The following ADGRL2 variants were observed in gnomAD, a reference collection of about 807,000 sequenced individuals.
ADGRL2 encodes the protein calcium-independent alpha-latrotoxin receptor 2.
Under a neutral mutation model 157.4 loss-of-function variants are expected in ADGRL2, and 44 were observed. The observed-to-expected ratio is 0.28, with a 90% confidence interval of 0.22 to 0.36. The LOEUF (loss-of-function observed/expected upper bound fraction) is 0.36, where lower values mean the gene tolerates loss of function less well. Ranked by LOEUF, ADGRL2 falls within the 10% of genes least tolerant of loss-of-function variation. ADGRL2 has a pLI of 1.00. For missense variants in ADGRL2, 1,510 were observed against 1,768.9 expected, an observed-to-expected ratio of 0.85 and a Z score of 2.63; for synonymous variants, 585 against 624.7, an observed-to-expected ratio of 0.94 and a Z score of 0.95.
intron 2 of ADGRL2, among the ~76,000 whole-genome samples, chr1:81,881,734 A>G (rs897768613): frequency 6.6e-6 from 1 of 152,074 alleles, no homozygotes; most frequent in African/African-American, 2.4e-5. Flanking sequence ...TTGAGTATTT[A>G]CTTATATATC....
intron 2 of ADGRL2, among the ~76,000 whole-genome samples, chr1:81,460,657 C>A (rs1302053121): frequency 6.6e-6 from 1 of 152,160 alleles, no homozygotes; most frequent in Non-Finnish European, 1.5e-5. Flanking sequence ...TCCCCATTGA[C>A]TGGATGTGCT....
chr1:81,325,675 C>T (rs1157993958), intron 1 of ADGRL2, among the ~76,000 whole-genome samples: 2 of 152,194 alleles, frequency 1.3e-5, no homozygotes, highest in African/African-American at 2.4e-5. Flanking sequence ...CTAAACTTGC[C>T]TCATGCAAAC....
In ADGRL2 at chr1:81,750,711, C is replaced by T. The variant is rs1045129030; in HGVS notation, c.-142-11100C>T. On this transcript the variant is annotated intron_variant, in intron 1 of 20. Coordinates refer to the ADGRL2 transcript ENST00000359929. ...TAGCCTGGGCAACAGAGCAAGACTC[C>T]ATTTCAAAAACAAAAAAAACAAAAA... Among the ~76,000 whole-genome samples, 3 of 151,626 alleles carry T rather than the reference C, an allele frequency of 2.0e-5. No homozygotes were observed. The East Asian group carries it at 5.8e-4, about 29-fold the overall frequency.
At chr1:81,522,712 G>A (rs183077435) in intron 2 of ADGRL2, among the ~76,000 whole-genome samples, 28 of 152,206 alleles carry the variant, frequency 1.8e-4, no homozygotes, top group African/African-American at 6.0e-4. Context: ...AACCAGTGAA[G>A]TTAAGTGTAA....
chr1:81,369,602 G>A (rs527939895), intron 1 of ADGRL2, among the ~76,000 whole-genome samples: 1 of 152,220 alleles, frequency 6.6e-6, no homozygotes, highest in South Asian at 2.1e-4. Context: ...CCGAATGGAT[G>A]ACCTTATTCT....
At chr1:81,626,901 G>A (rs2081922386) in intron 3 of ADGRL2, among the ~76,000 whole-genome samples, 1 of 152,126 alleles carries the variant, frequency 6.6e-6, no homozygotes, top group African/African-American at 2.4e-5. Flanking sequence ...ATACATTCGT[G>A]AACACCAGAA....
intron 3 of ADGRL2, among the ~76,000 whole-genome samples, chr1:81,584,853 T>C (rs1234144890): frequency 6.6e-6 from 1 of 152,152 alleles, no homozygotes; most frequent in Non-Finnish European, 1.5e-5. Flanking sequence ...TTATAAACTC[T>C]AGAGTTACCT....
chr1:81,956,732 T>C (rs1450242559), intron 11 of ADGRL2, among the ~76,000 whole-genome samples: 1 of 152,206 alleles, frequency 6.6e-6, no homozygotes, highest in Non-Finnish European at 1.5e-5. Flanking sequence ...TGAGGTTGAA[T>C]TCAGATGAAG....
rs150774885 is a variant in ADGRL2, at chr1:81,538,630, G to A, written c.-247-42246G>A. On this transcript the variant is annotated intron_variant, in intron 2 of 24. Coordinates refer to the ADGRL2 transcript ENST00000370721. ...CACAAATACAGCCTCATACAAGGGT[G>A]TTATGTCGATGACTCATTATAGGCA... 7.2e-4 allele frequency among the ~76,000 whole-genome samples: 110 copies of A among 152,254 alleles called. 2 individuals carry two copies. Among genetic ancestry groups the A allele is most frequent in the East Asian group, 3.9e-4 (2 of 5,184 alleles).
chr1:81,539,230 C>T (rs2079821675), intron 2 of ADGRL2, among the ~76,000 whole-genome samples: 1 of 152,002 alleles, frequency 6.6e-6, no homozygotes, highest in Non-Finnish European at 1.5e-5. Flanking sequence ...AACTTTGTAA[C>T]ACAATTACCA....
At chr1:81,360,268 G>A (rs1267497583) in intron 1 of ADGRL2, among the ~76,000 whole-genome samples, 1 of 151,764 alleles carries the variant, frequency 6.6e-6, no homozygotes, top group African/African-American at 2.4e-5. Flanking sequence ...TTTGTCCCTA[G>A]ATCTTTAATT....
intron 2 of ADGRL2, among the ~76,000 whole-genome samples, chr1:81,531,204 C>G (rs1187013160): frequency 6.6e-6 from 1 of 151,966 alleles, no homozygotes; most frequent in African/African-American, 2.4e-5. Flanking sequence ...TGATAATCCA[C>G]ATTTGAGGAG....
chr1:81,502,699 G>T, intron 2 of ADGRL2: 1 of 1,613,526 alleles, frequency 6.2e-7, no homozygotes, highest in South Asian at 1.1e-5. Context: ...CTATGAGTGT[G>T]AGAAGAAAGC....
At chr1:81,366,845 C>T (rs2076075682) in intron 1 of ADGRL2, among the ~76,000 whole-genome samples, 1 of 152,196 alleles carries the variant, frequency 6.6e-6, no homozygotes, top group Non-Finnish European at 1.5e-5. Flanking sequence ...TTTCCTGCTT[C>T]TTTGATCATT....
At chr1:81,746,995 T>C (rs1001589312) in intron 1 of ADGRL2, among the ~76,000 whole-genome samples, 9 of 146,002 alleles carry the variant, frequency 6.2e-5, no homozygotes, top group African/African-American at 2.0e-4. Flanking sequence ...TATATACGTA[T>C]ATACGTGTAT....
In ADGRL2 at chr1:81,429,553, T is replaced by C. The variant is rs141983886; in HGVS notation, c.-301-15483T>C. Reference sequence around the variant, plus strand: ...AACATGAGTCTCCTGATATTTCAAATTGGTTGCAGTAAAGAATGCTCAAAC... The same window carrying C: ...AACATGAGTCTCCTGATATTTCAAACTGGTTGCAGTAAAGAATGCTCAAAC... On this transcript the variant is annotated intron_variant, in intron 1 of 24. Transcript: ENST00000370721. 3.2e-3 allele frequency among the ~76,000 whole-genome samples: 484 copies of C among 152,352 alleles called. 3 individuals are homozygous for C. Among genetic ancestry groups the C allele is most frequent in the Admixed American group, 0.012 (189 of 15,302 alleles).
chr1:81,543,007 GC>G (rs2079922674), intron 2 of ADGRL2, among the ~76,000 whole-genome samples: 1 of 142,808 alleles, frequency 7.0e-6, no homozygotes, highest in South Asian at 2.2e-4. Context: ...TTTTTATCTT[GC>G]TTTTTTTTTT....
chr1:81,481,226 C>G (rs1243599916), intron 2 of ADGRL2, among the ~76,000 whole-genome samples: 1 of 152,058 alleles, frequency 6.6e-6, no homozygotes, highest in Admixed American at 6.6e-5. Flanking sequence ...CTAAGAAGCC[C>G]CATAAACTAT....
At chr1:81,838,816 A>G (rs2092411881) in intron 2 of ADGRL2, among the ~76,000 whole-genome samples, 1 of 152,072 alleles carries the variant, frequency 6.6e-6, no homozygotes, top group Non-Finnish European at 1.5e-5. Context: ...CTATCAGGTC[A>G]GGATTCATAT....
Sources: gnomAD v4.1 joint callset for allele counts (sites outside exome capture counted in the v4.1 genomes callset) on GRCh38, gnomAD v4.1.1 for gene constraint, MANE v1.5 for transcripts, NCBI Gene and HGNC (gene_info 2026-07-23, HGNC 2026-07-21) for gene names.